SUPT3H: variants seen among roughly 807,000 people sequenced by gnomAD.
SUPT3H encodes SPT3 homolog, SAGA and STAGA complex component.
SUPT3H carries 44 observed loss-of-function variants against 44.3 expected under a neutral mutation model. The ratio of observed to expected loss-of-function variants is 0.99; its 90% confidence interval spans 0.78 to 1.28. The LOEUF is 1.28. SUPT3H is among the 50% of genes most tolerant of loss of function. The pLI is 0.00. For synonymous variants in SUPT3H, 124 were observed against 125.6 expected (o/e 0.99, Z 0.09); for missense variants, 380 against 387.1 (o/e 0.98, Z 0.15).
chr6:44,979,519 T>C (rs574284213), intron 6 of SUPT3H, among the ~76,000 whole-genome samples: 41 of 152,128 alleles, frequency 2.7e-4, no homozygotes, highest in African/African-American at 9.9e-4. Context: ...CAATTATCTG[T>C]GAAAGAATGA....
chr6:45,080,707 T>C (rs1795675659), intron 3 of SUPT3H, among the ~76,000 whole-genome samples: 1 of 152,190 alleles, frequency 6.6e-6, no homozygotes, highest in Non-Finnish European at 1.5e-5. Context: ...CACTTATTTA[T>C]GGAGGCTAAA....
chr6:45,252,511 G>A (rs1218538914), intron 2 of SUPT3H, among the ~76,000 whole-genome samples: 3 of 151,990 alleles, frequency 2.0e-5, no homozygotes, highest in South Asian at 2.1e-4. Flanking sequence ...TTCCTATGAT[G>A]TAACAAGCAC....
intron 1 of SUPT3H, among the ~76,000 whole-genome samples, chr6:45,376,854 CATACATAT>C (rs1796849599): frequency 6.6e-6 from 1 of 151,736 alleles, no homozygotes; most frequent in South Asian, 2.1e-4. Context: ...CAAATACATA[CATACATAT>C]ATACACATAC....
At chr6:45,178,354 A>C (rs1812416901) in intron 2 of SUPT3H, among the ~76,000 whole-genome samples, 1 of 152,212 alleles carries the variant, frequency 6.6e-6, no homozygotes, top group Admixed American at 6.5e-5. Flanking sequence ...CAATTCAACA[A>C]GAAGAGCTAA....
chr6:45,158,985 T>C (rs931917172), intron 2 of SUPT3H: 1 of 152,182 alleles, frequency 6.6e-6, no homozygotes, highest in Admixed American at 6.6e-5. Flanking sequence ...TGAGTGTTCA[T>C]CACTGCTGCA....
intron 2 of SUPT3H, among the ~76,000 whole-genome samples, chr6:45,176,211 G>T (rs1026959249): frequency 2.0e-5 from 3 of 151,650 alleles, no homozygotes; most frequent in African/African-American, 4.8e-5. Flanking sequence ...CAGGTCAGTG[G>T]GTGCGCGCAC....
chr6:45,059,170 T>C (rs1334073914), intron 3 of SUPT3H, among the ~76,000 whole-genome samples: 7 of 152,120 alleles, frequency 4.6e-5, no homozygotes, highest in African/African-American at 7.2e-5. Context: ...CTGATGAACA[T>C]TGGTGCAAAA....
At chr6:45,063,309 G>C (rs1024902542) in intron 3 of SUPT3H, among the ~76,000 whole-genome samples, 2 of 150,114 alleles carry the variant, frequency 1.3e-5, no homozygotes, top group Non-Finnish European at 3.0e-5. Flanking sequence ...AAACCCATCT[G>C]TACATCACCA....
At chr6:45,071,217 C>A (rs1252730711) in intron 3 of SUPT3H, among the ~76,000 whole-genome samples, 2 of 151,868 alleles carry the variant, frequency 1.3e-5, no homozygotes, top group East Asian at 3.8e-4. Flanking sequence ...TAACAGACAC[C>A]TGGGAAACCT....
At chr6:44,825,269 T>C (rs1339224075), downstream of SUPT3H, among the ~76,000 whole-genome samples, 1 of 152,252 alleles carries the variant, frequency 6.6e-6, no homozygotes, top group Non-Finnish European at 1.5e-5. Flanking sequence ...TTATATTCTA[T>C]TGTACATGAT....
At chr6:45,029,191 G>A (rs1281717880) in intron 3 of SUPT3H, among the ~76,000 whole-genome samples, 1 of 151,672 alleles carries the variant, frequency 6.6e-6, no homozygotes, top group Admixed American at 6.6e-5. Flanking sequence ...TAACTTTTTA[G>A]AGTTTCATTT....
intron 10 of SUPT3H, among the ~76,000 whole-genome samples, chr6:44,885,373 G>C (rs1762088401): frequency 6.6e-6 from 1 of 151,884 alleles, no homozygotes; most frequent in African/African-American, 2.4e-5. Context: ...CCCCAGTAGG[G>C]GCAGACTGAC....
chr6:45,037,693 A>G (rs1454127857), intron 3 of SUPT3H, among the ~76,000 whole-genome samples: 2 of 151,402 alleles, frequency 1.3e-5, no homozygotes, highest in African/African-American at 4.8e-5. Flanking sequence ...AATTAAATAA[A>G]AAAATGAAAG....
At chr6:45,070,343 C>T (rs970339233) in intron 3 of SUPT3H, among the ~76,000 whole-genome samples, 2 of 152,024 alleles carry the variant, frequency 1.3e-5, no homozygotes, top group Non-Finnish European at 1.5e-5. Context: ...TCAAGACCAC[C>T]CAAAGCCAAT....
chr6:44,948,963 T>A (rs1773817258), intron 9 of SUPT3H, among the ~76,000 whole-genome samples: 1 of 152,234 alleles, frequency 6.6e-6, no homozygotes. Context: ...GTGGCACTAT[T>A]CTCAATACCT....
At chr6:45,250,630 T>G (rs1328239050) in intron 2 of SUPT3H, among the ~76,000 whole-genome samples, 1 of 151,874 alleles carries the variant, frequency 6.6e-6, no homozygotes, top group African/African-American at 2.4e-5. Flanking sequence ...AGAAAAAAAT[T>G]ATCAAAGAAA....
chr6:45,006,816 T>G (rs1300620548), intron 5 of SUPT3H, among the ~76,000 whole-genome samples: 1 of 152,152 alleles, frequency 6.6e-6, no homozygotes, highest in Non-Finnish European at 1.5e-5. Flanking sequence ...TTCACCAGTA[T>G]TTTAAGAAAT....
downstream of SUPT3H, among the ~76,000 whole-genome samples, chr6:44,821,873 T>C (rs996645500): frequency 9.9e-5 from 15 of 152,134 alleles, no homozygotes; most frequent in African/African-American, 3.4e-4. Flanking sequence ...AAAGCAACGA[T>C]TACCTTTTAT....
chr6:45,039,992 G>T (rs1375288046), intron 3 of SUPT3H, among the ~76,000 whole-genome samples: 2 of 152,148 alleles, frequency 1.3e-5, no homozygotes, highest in Non-Finnish European at 2.9e-5. Context: ...TTTTGCAGTT[G>T]GTCAGACTCT....
Sources: allele counts gnomAD v4.1 joint callset (sites outside exome capture counted in the v4.1 genomes callset), GRCh38; gene constraint gnomAD v4.1.1; transcripts MANE v1.5; gene names NCBI Gene and HGNC (gene_info 2026-07-23, HGNC 2026-07-21).